Variants in TRAPPC8 observed in about 807,000 individuals in gnomAD.
The protein encoded by TRAPPC8 is trafficking protein particle complex subunit 8.
Under a neutral mutation model 174.3 loss-of-function variants are expected in TRAPPC8, and 54 were observed. The observed-to-expected ratio is 0.31, with a 90% CI of 0.25 to 0.39. The LOEUF is 0.39. TRAPPC8 is among the 10% of genes least tolerant of loss of function. The pLI is 1.00. For missense variants in TRAPPC8, 1,531 were observed against 1,699.1 expected, an observed-to-expected ratio of 0.90 and a Z score of 1.74; for synonymous variants, 630 against 579.9, an observed-to-expected ratio of 1.09 and a Z score of -1.24.
intron 19 of TRAPPC8, among the ~76,000 whole-genome samples, chr18:31,864,131 T>G (rs2034473046): frequency 6.6e-6 from 1 of 150,506 alleles, no homozygotes; most frequent in Non-Finnish European, 1.5e-5. Flanking sequence ...ATCCTTCAAC[T>G]AAATAATACA....
chr18:31,838,022 T>C (rs1305426154), intron 27 of TRAPPC8, among the ~76,000 whole-genome samples: 2 of 148,238 alleles, frequency 1.3e-5, no homozygotes, highest in African/African-American at 5.0e-5. Context: ...CAGGCTAGAG[T>C]GCAATGGTGC....
chr18:31,873,371 G>A, intron 14 of TRAPPC8, 59 bp downstream of exon 14: 2 of 1,377,238 alleles, frequency 1.5e-6, no homozygotes, highest in Non-Finnish European at 1.0e-6. Flanking sequence ...ATGGAGAAAG[G>A]AAAAGAAGTT....
intron 17 of TRAPPC8, 98 bp downstream of exon 17, chr18:31,867,304 A>C (rs1319175390): frequency 1.1e-6 from 1 of 934,112 alleles, no homozygotes; most frequent in Non-Finnish European, 1.6e-6. Flanking sequence ...TTCTTAAGAA[A>C]ACTAGAATAT....
In TRAPPC8 at chr18:31,908,419, C is replaced by A; in HGVS notation, c.1123-1G>T. 6.5e-7 allele frequency: 1 copy of A among 1,546,810 alleles called. No homozygotes were observed. Among genetic ancestry groups the A allele is most frequent in the South Asian group, 1.2e-5 (1 of 81,292 alleles). ...GACTCAAACCTTTTCTTGATATTAG[C>A]TTTAAAAAAGAGATTAAATATGTTG... On this transcript the variant is annotated splice_acceptor_variant, in intron 7 of 28. Transcript: ENST00000283351. LOFTEE classifies it high-confidence loss of function.
At chr18:31,932,997 CAAAAAAA>C (rs35234467) in intron 1 of TRAPPC8, among the ~76,000 whole-genome samples, 8 of 42,682 alleles carry the variant, frequency 1.9e-4, no homozygotes, top group Non-Finnish European at 1.8e-4. Context: ...GACTCCGTCT[CAAAAAAA>C]AAAAAAAAAA....
intron 26 of TRAPPC8, 138 bp downstream of exon 26, chr18:31,846,578 A>G: frequency 1.4e-6 from 1 of 691,504 alleles, no homozygotes; most frequent in Non-Finnish European, 2.5e-6. Flanking sequence ...CCAGTCTCAA[A>G]ACAACAACAA....
chr18:31,913,779 G>C (rs922171101), intron 4 of TRAPPC8, among the ~76,000 whole-genome samples: 9 of 152,240 alleles, frequency 5.9e-5, no homozygotes, highest in African/African-American at 2.2e-4. Context: ...TTACCAAAGT[G>C]TGTTCCGTGG....
chr18:31,903,117 C>T (rs894368011), intron 9 of TRAPPC8, among the ~76,000 whole-genome samples: 1 of 90,230 alleles, frequency 1.1e-5, no homozygotes. Flanking sequence ...CGCGTGCGTG[C>T]GTGCGTGTGT....
At position 31,846,386 on chromosome 18, in the gene TRAPPC8, CA is replaced by C. The variant is rs577561324; in HGVS notation, c.3837+329del. On this transcript the variant is annotated intron_variant, in intron 26 of 28. Transcript: ENST00000283351. The stretch of plus-strand genomic sequence containing the variant: ...CCCAGGAGTTCAAGACCAGCCTGGG[CA>C]ACATGGTGAAACTCCATCTCTACAA... Among the ~76,000 whole-genome samples the C allele has an allele frequency of 5.2e-3, 785 of 152,116 alleles. 15 individuals carry two copies. Among genetic ancestry groups the C allele is most frequent in the Non-Finnish European group, 2.8e-3 (193 of 67,994 alleles).
intron 3 of TRAPPC8, among the ~76,000 whole-genome samples, chr18:31,917,014 AAAATGGACAACTGTACAACTTCAAC>A (rs1194505550): frequency 7.2e-5 from 11 of 152,190 alleles, no homozygotes; most frequent in Admixed American, 6.5e-4. Context: ...CATAAAAATA[AAAATGGACAACTGTACAACTTCAAC>A]AGAAATGAAT....
At chr18:31,864,531 T>C (rs2034494134) in intron 19 of TRAPPC8, 96 bp downstream of exon 19, 3 of 1,162,190 alleles carry the variant, frequency 2.6e-6, no homozygotes, top group Non-Finnish European at 3.7e-6. Flanking sequence ...TATAGTTCAA[T>C]GTAATATCAA....
rs117123752 is a variant in TRAPPC8 at position 31,911,666 on chromosome 18, G to C, written c.771+1703C>G. Among the ~76,000 whole-genome samples the C allele has an allele frequency of 6.1e-3, 905 of 147,850 alleles. 49 individuals carry two copies. In the East Asian group the frequency reaches 0.12, roughly 20 times the overall value. ...AGGCATGAGAATAATTTGAATCCAG[G>C]AGGCAGCTGTTGCAGTGAGCCGAGA... On this transcript the variant is annotated intron_variant, in intron 5 of 28. Coordinates refer to ENST00000283351, the MANE Select transcript of TRAPPC8 (RefSeq NM_014939.5).
At chr18:31,920,933 G>A (rs184170106) in intron 2 of TRAPPC8, among the ~76,000 whole-genome samples, 18 of 123,834 alleles carry the variant, frequency 1.5e-4, no homozygotes, top group East Asian at 7.8e-4. Context: ...GTGTTAGAGC[G>A]ACACTCCGTC....
At chr18:31,922,575 C>A (rs145025986) in intron 2 of TRAPPC8, among the ~76,000 whole-genome samples, 52 of 151,936 alleles carry the variant, frequency 3.4e-4, no homozygotes, top group African/African-American at 1.3e-3. Context: ...TGGGCAGCGA[C>A]AGAGCAAGAC....
At chr18:31,912,856 G>A (rs112462760) in intron 5 of TRAPPC8, among the ~76,000 whole-genome samples, 4,573 of 152,110 alleles carry the variant, frequency 0.03, 246 homozygotes, top group African/African-American at 0.1. Flanking sequence ...GTCCAGGCGC[G>A]GTGGCTCACA....
intron 12 of TRAPPC8, among the ~76,000 whole-genome samples, chr18:31,879,517 A>T (rs921959174): frequency 1.3e-5 from 2 of 152,168 alleles, no homozygotes; most frequent in Non-Finnish European, 2.9e-5. Context: ...TGCTTATATC[A>T]AAAAGACAGA....
chr18:31,934,183 CA>C (rs34727105), intron 1 of TRAPPC8, among the ~76,000 whole-genome samples: 306 of 131,582 alleles, frequency 2.3e-3, no homozygotes, highest in African/African-American at 5.2e-3. Flanking sequence ...GACTCCCTTT[CA>C]AAAAAAAAAA....
chr18:31,847,801 C>T (rs1263649421), intron 25 of TRAPPC8, among the ~76,000 whole-genome samples: 3 of 152,042 alleles, frequency 2.0e-5, no homozygotes, highest in East Asian at 1.9e-4. Context: ...TGGCATTGAG[C>T]GACAGTCACC....
chr18:31,888,012 C>T (rs779815837), intron 12 of TRAPPC8, among the ~76,000 whole-genome samples: 1 of 152,090 alleles, frequency 6.6e-6, no homozygotes, highest in African/African-American at 2.4e-5. Context: ...TCTCAGGATA[C>T]AAAATCAATG....
Sources: gnomAD v4.1 joint callset for allele counts (sites outside exome capture counted in the v4.1 genomes callset) on GRCh38, gnomAD v4.1.1 for gene constraint, MANE v1.5 for transcripts, NCBI Gene and HGNC (gene_info 2026-07-23, HGNC 2026-07-21) for gene names.